MYBPH: variants seen among roughly 807,000 people sequenced by gnomAD.
MYBPH encodes the protein myosin-binding protein H.
In MYBPH, 49 loss-of-function variants were observed where a neutral mutation model predicts 53.6. The ratio of observed to expected loss-of-function variants is 0.91; its 90% CI spans 0.73 to 1.16. The LOEUF (loss-of-function observed/expected upper bound fraction) is 1.16. MYBPH is among the 50% of genes most tolerant of loss of function. The probability of loss-of-function intolerance (pLI) is 0.00; values close to 1 mark genes in which losing one functional copy is unlikely to be tolerated. For missense variants in MYBPH, 558 were observed against 624.1 expected, an observed-to-expected ratio of 0.89 and a Z score of 1.13; for synonymous variants, 239 against 249.6, an observed-to-expected ratio of 0.96 and a Z score of 0.40.
At chr1:203,172,106 G>A (rs958753621) in intron 3 of MYBPH, 66 bp from the exon 4 acceptor site, 5 of 1,023,738 alleles carry the variant, frequency 4.9e-6, no homozygotes, top group Admixed American at 4.2e-5. Context: ...TTCTGAGATG[G>A]GGCAGGGGAC....
At chr1:203,175,210 C>A (rs373601424) in intron 2 of MYBPH, 117 bp downstream of exon 2, 15 of 1,298,408 alleles carry the variant, frequency 1.2e-5, no homozygotes, top group Middle Eastern at 2.0e-4. Context: ...CTACTGCTCG[C>A]ATCCCCTCCT....
rs375246911 is a variant in MYBPH, at chr1:203,175,322, C to T, written c.340+5G>A. 4.1e-5 allele frequency: 63 copies of T among 1,518,816 alleles called. No homozygotes were observed. Among genetic ancestry groups the T allele is most frequent in the Non-Finnish European group, 5.2e-5 (59 of 1,135,750 alleles). 94.1% of individuals were successfully genotyped at this position (1,518,816 alleles called of 1,614,324 possible). On this transcript the variant is annotated splice_donor_5th_base_variant and intron_variant, in intron 2 of 10. Transcript: ENST00000255416. ...GGTGTATGCAAGACTTAGCCCAGCA[C>T]TCACCTCCCTCTCTGCAGAGCTCCA...
intron 3 of MYBPH, among the ~76,000 whole-genome samples, 181 bp from the exon 4 acceptor site, chr1:203,172,221 G>GC (rs1441315206): frequency 2.0e-5 from 3 of 152,070 alleles, no homozygotes; most frequent in Non-Finnish European, 4.4e-5. Context: ...AGGTCTAGGG[G>GC]CCCAAATCCC....
rs1655659107 is a variant in MYBPH, at chr1:203,169,683, T to C, written c.1094-294A>G. Among the ~76,000 whole-genome samples, 5 of 152,336 alleles carry C rather than the reference T, an allele frequency of 3.3e-5. No homozygotes were observed. The South Asian group carries it at 1.0e-3, about 32-fold the overall frequency. On this transcript the variant is annotated intron_variant, in intron 7 of 10. Transcript: ENST00000255416. ...TTGTCGTTGGAGACTTGACTGGCTT[T>C]CTTTTTTTAAACAAAAGTTTCTTCC...
At chr1:203,172,593 G>A (rs1240562368) in intron 3 of MYBPH, among the ~76,000 whole-genome samples, 6 of 152,226 alleles carry the variant, frequency 3.9e-5, no homozygotes, top group African/African-American at 1.4e-4. Flanking sequence ...AGTGAAGCCA[G>A]GGCGGGTATC....
chr1:203,169,529 G>A, intron 7 of MYBPH, 140 bp from the exon 8 acceptor site: 1 of 1,240,020 alleles, frequency 8.1e-7, no homozygotes, highest in South Asian at 1.3e-5. Flanking sequence ...AAGAGGCAGA[G>A]AAAGCTGAGA....
At chr1:203,174,629 C>A in intron 2 of MYBPH, 32 bp from the exon 3 acceptor site, 1 of 1,535,234 alleles carries the variant, frequency 6.5e-7, no homozygotes, top group Non-Finnish European at 8.8e-7. Flanking sequence ...GAGGTCTTTG[C>A]AATGTGGCCA....
intron 3 of MYBPH, 113 bp from the exon 4 acceptor site, chr1:203,172,153 G>A (rs897062416): frequency 1.7e-6 from 1 of 603,084 alleles, no homozygotes; most frequent in Non-Finnish European, 2.5e-6. Context: ...GAGGGTCCTG[G>A]GTGTGCCTGG....
At chr1:203,178,665 A>G (rs1655863584), upstream of MYBPH, among the ~76,000 whole-genome samples, 1 of 152,230 alleles carries the variant, frequency 6.6e-6, no homozygotes, top group Non-Finnish European at 1.5e-5. Context: ...TTCTTTCAAC[A>G]GGGAATTTAA....
At chr1:203,169,818 C>T (rs1486505741) in intron 7 of MYBPH, among the ~76,000 whole-genome samples, 2 of 152,166 alleles carry the variant, frequency 1.3e-5, no homozygotes, top group African/African-American at 2.4e-5. Context: ...GAAAAGGGCC[C>T]GGGGTTTAAC....
chr1:203,168,093 T>C lies in MYBPH; in HGVS notation c.*33-2A>G, dbSNP rs531350967. 6.2e-6 allele frequency: 1 copy of C among 161,794 alleles called. No homozygotes were observed. The highest frequency in any genetic ancestry group is 1.4e-5 in the Non-Finnish European group (1 of 73,030). 10.0% of individuals were successfully genotyped at this position (161,794 alleles called of 1,614,324 possible). ...CCTGGCCCCTCAGGCCTGCAGCACC[T>C]GGAGGAGGACATGCTTCCTGAGCCC... On this transcript the variant is annotated splice_acceptor_variant, in intron 10 of 10. Transcript: ENST00000255416. LOFTEE classifies it low-confidence loss of function (3UTR_SPLICE).
At chr1:203,176,224 G>A (rs918113908), upstream of MYBPH, among the ~76,000 whole-genome samples, 8 of 152,230 alleles carry the variant, frequency 5.3e-5, no homozygotes, top group Non-Finnish European at 8.8e-5. Context: ...GGCCCTGACA[G>A]TTTGGGACAA....
At chr1:203,179,000 AT>A (rs1190974208), upstream of MYBPH, 1 of 157,328 alleles carries the variant, frequency 6.4e-6, no homozygotes, top group East Asian at 1.9e-4. Flanking sequence ...AGGGGACACG[AT>A]TACGTTCCTA....
chr1:203,176,058 G>A (rs936596825), upstream of MYBPH, among the ~76,000 whole-genome samples: 11 of 152,272 alleles, frequency 7.2e-5, no homozygotes, highest in South Asian at 8.3e-4. Context: ...GGGGGAGGGC[G>A]CAGATGGGTG....
In MYBPH at chr1:203,171,993, G is replaced by A. The variant is rs763381224; in HGVS notation, c.556C>T (p.Arg186Cys). 1.3e-5 allele frequency: 17 copies of A among 1,326,662 alleles called. No individual in the cohort carries two copies. In the Admixed American group the frequency reaches 1.8e-4, roughly 14 times the overall value. 82.2% of individuals were successfully genotyped at this position (1,326,662 alleles called of 1,614,324 possible). ...AGGTTGACCGTCTCTCCCACCTGGC[G>A]GATGTAGGTCTGACGGAGGTGGCGG... ...VPRHLRQTYI[R>C]QVGETVNLQI... is the part of the protein sequence containing the mutation. The change falls in exon 4 of 11, where the codon CGC (arginine) becomes TGC (cysteine). Residue 186 changes from arginine to cysteine, a missense_variant. Arg to Cys is a radical substitution (Grantham distance 180). Coordinates refer to ENST00000255416, the MANE Select transcript of MYBPH (RefSeq NM_004997.3). This position sits in a 1 kb window ranked among gnomAD's most constrained non-coding sequence, Gnocchi z 4.2.
In MYBPH at chr1:203,168,966, T is replaced by A. The variant is rs984588449; in HGVS notation, c.1357A>T (p.Thr453Ser). The A allele has an allele frequency of 6.2e-7, 1 of 1,614,000 alleles. No individual in the cohort carries two copies. Reference sequence around the variant, plus strand: ...CCCAGCACATTTATGGCCTTGCAGGTGTAGACCCCAGAATCAAAGGGGCTG... The same window carrying A: ...CCCAGCACATTTATGGCCTTGCAGGAGTAGACCCCAGAATCAAAGGGGCTG... ...KPSPFDSGVY[T>S]CKAINVLGEA... The change falls in exon 9 of 11, where the codon ACC (threonine) becomes TCC (serine). Residue 453 changes from threonine (T) to serine (S), a missense_variant. Thr to Ser is a moderately conservative substitution (Grantham distance 58). Coordinates refer to ENST00000255416, the MANE Select transcript of MYBPH (RefSeq NM_004997.3).
At chr1:203,176,222 C>A (rs1265738762), upstream of MYBPH, among the ~76,000 whole-genome samples, 1 of 152,202 alleles carries the variant, frequency 6.6e-6, no homozygotes, top group South Asian at 2.1e-4. Context: ...GGGGCCCTGA[C>A]AGTTTGGGAC....
chr1:203,171,075 C>A lies in MYBPH; in HGVS notation c.919G>T (p.Asp307Tyr). The A allele has an allele frequency of 6.3e-7, 1 of 1,592,838 alleles. No homozygotes were observed. Among genetic ancestry groups the A allele is most frequent in the Non-Finnish European group, 8.5e-7 (1 of 1,171,346 alleles). Residue 307 changes from aspartate (D) to tyrosine (Y), a missense_variant, in exon 6 of 11, where the codon GAC becomes TAC. Transcript: ENST00000255416. The surrounding 1 kb of genome is among the most constrained non-coding windows in gnomAD (Gnocchi z 4.2). ...ELLGYMVQKADKKTGQWFTVL... is the reference protein window; with the variant it reads ...ELLGYMVQKAYKKTGQWFTVL... ...GCCAGCCTCACCCCTGTCTTTTTGT[C>A]TGCCTTCTGCACCATGTAGCCCAGG...
upstream of MYBPH, among the ~76,000 whole-genome samples, chr1:203,177,689 G>C (rs1379581081): frequency 1.1e-4 from 16 of 152,260 alleles, no homozygotes; most frequent in African/African-American, 3.9e-4. Context: ...AGGACACTGA[G>C]TCAGCCCTGG....
Sources: allele counts gnomAD v4.1 joint callset (sites outside exome capture counted in the v4.1 genomes callset), GRCh38; gene constraint gnomAD v4.1.1; non-coding constraint Gnocchi (gnomAD v3.1); transcripts MANE v1.5; gene names NCBI Gene and HGNC (gene_info 2026-07-23, HGNC 2026-07-21).